The following GRK5 variants were observed in gnomAD, a reference collection of about 807,000 sequenced individuals.
GRK5 encodes G protein-coupled receptor kinase 5.
A neutral mutation model predicts 78.4 loss-of-function variants in GRK5; 40 were observed. The observed-to-expected ratio is 0.51, with a 90% CI of 0.40 to 0.66. The LOEUF (loss-of-function observed/expected upper bound fraction) is 0.66, where lower values mean the gene tolerates loss of function less well. Ranked by LOEUF, GRK5 falls within the 30% of genes least tolerant of loss-of-function variation. The probability of loss-of-function intolerance (pLI) is 0.00; values close to 1 mark genes in which losing one functional copy is unlikely to be tolerated. For synonymous variants in GRK5, 289 were observed against 296.8 expected, an observed-to-expected ratio of 0.97 and a Z score of 0.27; for missense variants, 598 against 759.9, an observed-to-expected ratio of 0.79 and a Z score of 2.50.
At chr10:119,428,548 C>T (rs1852748982) in intron 6 of GRK5, among the ~76,000 whole-genome samples, 1 of 152,218 alleles carries the variant, frequency 6.6e-6, no homozygotes, top group Non-Finnish European at 1.5e-5. Flanking sequence ...GGCCACTCAG[C>T]AAGGGCCTGG....
chr10:119,454,950 CCCCCAA>C lies in GRK5; in HGVS notation c.1675-7_1675-2del. On this transcript the variant is annotated splice_polypyrimidine_tract_variant and intron_variant, in intron 15 of 15. Coordinates refer to ENST00000392870, the MANE Select transcript of GRK5 (RefSeq NM_005308.3). ...GACTTCTGTTCTCTCCACCCCGTCT[CCCCCAA>C]CCCCAACCCCAGCATCAGAACAATT... The C allele has an allele frequency of 6.4e-7, 1 of 1,563,094 alleles. No homozygotes were observed. Among genetic ancestry groups the C allele is most frequent in the Non-Finnish European group, 8.8e-7 (1 of 1,134,696 alleles).
chr10:119,374,056 C>G (rs560127615), intron 2 of GRK5, among the ~76,000 whole-genome samples: 72 of 152,086 alleles, frequency 4.7e-4, no homozygotes, highest in Non-Finnish European at 4.7e-4. Flanking sequence ...ATCAGGAATC[C>G]CTATTGAGGT....
At position 119,347,038 on chromosome 10, in the gene GRK5, T is replaced by C. The variant is rs559807129; in HGVS notation, c.148+20427T>C. On this transcript the variant is annotated intron_variant, in intron 2 of 15. Transcript: ENST00000392870. ...GTTACGATTTCTGGGAACCATTTCC[T>C]TAGACTGCTCAGTCCTGAGGGCTGA... is the stretch of plus-strand genomic sequence containing the variant. Among the ~76,000 whole-genome samples, 6 of 152,328 alleles carry C rather than the reference T, an allele frequency of 3.9e-5. No individual in the cohort carries two copies. In the South Asian group the frequency reaches 1.2e-3, roughly 32 times the overall value.
Position 119,412,165 on chromosome 10 carries a change from G to C in GRK5, c.340-11001G>C, listed in dbSNP as rs1022636211. ...TGCGCCCGGCCTCAGATCCGCTTCT[G>C]ATTGGAGGCTGTGCCCACCTTCATG... On this transcript the variant is annotated intron_variant, in intron 4 of 15. Coordinates refer to ENST00000392870, the MANE Select transcript of GRK5 (RefSeq NM_005308.3). The surrounding 1 kb of genome is among the most constrained non-coding windows in gnomAD (Gnocchi z 4.3). 5.3e-5 allele frequency among the ~76,000 whole-genome samples: 8 copies of C among 152,068 alleles called. No homozygotes were observed. The highest frequency in any genetic ancestry group is 1.7e-4 in the African/African-American group (7 of 41,416).
chr10:119,325,182 C>T (rs1453067482), intron 1 of GRK5, among the ~76,000 whole-genome samples: 1 of 152,254 alleles, frequency 6.6e-6, no homozygotes, highest in African/African-American at 2.4e-5. Flanking sequence ...ATCCCCAGTT[C>T]TGTGCCTACT....
chr10:119,398,409 C>CAA (rs1554917113), intron 4 of GRK5, among the ~76,000 whole-genome samples: 3 of 151,976 alleles, frequency 2.0e-5, no homozygotes, highest in Admixed American at 1.3e-4. Context: ...CGCGTATCCA[C>CAA]GAGATTGCCC....
intron 1 of GRK5, among the ~76,000 whole-genome samples, chr10:119,300,099 C>T (rs1462255735): frequency 1.3e-5 from 2 of 152,020 alleles, no homozygotes; most frequent in Non-Finnish European, 2.9e-5. Context: ...GGGGATTTTT[C>T]TTTAAACTTA....
chr10:119,216,661 A>G (rs1225514102), intron 1 of GRK5, among the ~76,000 whole-genome samples: 1 of 152,162 alleles, frequency 6.6e-6, no homozygotes, highest in Non-Finnish European at 1.5e-5. Flanking sequence ...AATAAAAAAT[A>G]AATAAAAATG....
intron 3 of GRK5, among the ~76,000 whole-genome samples, chr10:119,382,915 ATTTC>A: frequency 6.6e-6 from 1 of 150,668 alleles, no homozygotes; most frequent in Middle Eastern, 3.4e-3. Context: ...GCTCCTCTAT[ATTTC>A]TTTCTTTTTT....
chr10:119,449,628 T>C (rs912262182), intron 13 of GRK5, among the ~76,000 whole-genome samples: 8 of 145,904 alleles, frequency 5.5e-5, no homozygotes, highest in Admixed American at 1.3e-4. Context: ...CCATCTCTAC[T>C]AAAATACAAA....
chr10:119,453,447 G>C, intron 15 of GRK5, among the ~76,000 whole-genome samples, 171 bp downstream of exon 15: 1 of 152,200 alleles, frequency 6.6e-6, no homozygotes, highest in Non-Finnish European at 1.5e-5. Context: ...ACCCACGGCA[G>C]CTGATGGGAT....
intron 11 of GRK5, among the ~76,000 whole-genome samples, chr10:119,442,341 C>T (rs867193172): frequency 6.6e-6 from 1 of 152,222 alleles, no homozygotes; most frequent in Admixed American, 6.5e-5. Flanking sequence ...GTGTCCAAAG[C>T]CAAGCCACTC....
intron 1 of GRK5, among the ~76,000 whole-genome samples, chr10:119,249,396 G>A (rs577886577): frequency 1.3e-5 from 2 of 152,170 alleles, no homozygotes; most frequent in African/African-American, 4.8e-5. Flanking sequence ...GCTTATCTAA[G>A]TTACTTAGTA....
chr10:119,241,304 G>A (rs150453542), intron 1 of GRK5, among the ~76,000 whole-genome samples: 11 of 152,246 alleles, frequency 7.2e-5, no homozygotes, highest in East Asian at 1.9e-4. Context: ...GGTTTCCTAC[G>A]GGCAAAAGGG....
chr10:119,331,129 C>T (rs1423853831), intron 2 of GRK5, among the ~76,000 whole-genome samples: 1 of 152,180 alleles, frequency 6.6e-6, no homozygotes, highest in Non-Finnish European at 1.5e-5. Context: ...TGGACCACCC[C>T]CCCGCCGCGA....
intron 3 of GRK5, among the ~76,000 whole-genome samples, chr10:119,382,062 C>A (rs575731908): frequency 2.6e-5 from 4 of 152,200 alleles, no homozygotes; most frequent in African/African-American, 9.7e-5. Context: ...TGACCAGCAC[C>A]CTATAGTCAC....
intron 1 of GRK5, among the ~76,000 whole-genome samples, chr10:119,260,679 C>CT (rs1849368179): frequency 6.6e-6 from 1 of 151,828 alleles, no homozygotes; most frequent in Non-Finnish European, 1.5e-5. Flanking sequence ...CCATTTAACT[C>CT]TGAGTGGACA....
At chr10:119,245,356 C>T (rs915890869) in intron 1 of GRK5, among the ~76,000 whole-genome samples, 7 of 151,852 alleles carry the variant, frequency 4.6e-5, no homozygotes, top group East Asian at 1.9e-4. Flanking sequence ...TCATAATAGC[C>T]GAGAGGTGGA....
chr10:119,355,744 C>A (rs181788989), intron 2 of GRK5, among the ~76,000 whole-genome samples: 1 of 152,114 alleles, frequency 6.6e-6, no homozygotes, highest in Non-Finnish European at 1.5e-5. Context: ...TGAGCCACTG[C>A]ACTCCAACAG....
Sources: gnomAD v4.1 joint callset for allele counts (sites outside exome capture counted in the v4.1 genomes callset) on GRCh38, gnomAD v4.1.1 for gene constraint, Gnocchi (gnomAD v3.1) non-coding constraint, MANE v1.5 for transcripts, NCBI Gene and HGNC (gene_info 2026-07-23, HGNC 2026-07-21) for gene names.